Variants in ZCCHC2 observed in about 807,000 individuals in gnomAD.
ZCCHC2 encodes zinc finger CCHC-type containing 2, also known as zinc finger CCHC domain-containing protein 2.
Under a neutral mutation model 103.6 loss-of-function variants are expected in ZCCHC2, and 39 were observed. The ratio of observed to expected loss-of-function variants is 0.38; its 90% CI spans 0.29 to 0.49. ZCCHC2 has a LOEUF of 0.49. ZCCHC2 is among the 20% of genes least tolerant of loss of function. The pLI, the probability that ZCCHC2 is intolerant of heterozygous loss-of-function variation, is 0.96. For synonymous variants in ZCCHC2, 687 were observed against 608.9 expected, an observed-to-expected ratio of 1.13 and a Z score of -1.89; for missense variants, 1,483 against 1,491.0, an observed-to-expected ratio of 0.99 and a Z score of 0.09.
At chr18:62,544,947 A>G (rs1210151907) in intron 4 of ZCCHC2, 74 bp downstream of exon 4, 2 of 1,217,666 alleles carry the variant, frequency 1.6e-6, no homozygotes, top group African/African-American at 3.2e-5. Context: ...CGTCAAAAAA[A>G]CACCAGGAAA....
chr18:62,532,694 G>A (rs192175727), intron 1 of ZCCHC2, among the ~76,000 whole-genome samples: 5 of 152,260 alleles, frequency 3.3e-5, no homozygotes, highest in South Asian at 4.1e-4. Flanking sequence ...CACATATATC[G>A]TTGTAATTTT....
chr18:62,524,975 T>A (rs1164051428), intron 1 of ZCCHC2: 1 of 152,482 alleles, frequency 6.6e-6, no homozygotes, highest in Non-Finnish European at 1.5e-5. Flanking sequence ...CTCTGAGGGC[T>A]TGTGTTCCCA....
At chr18:62,556,145 G>A (rs1331058257) in intron 5 of ZCCHC2, 58 bp from the exon 6 acceptor site, 3 of 1,383,922 alleles carry the variant, frequency 2.2e-6, no homozygotes, top group East Asian at 5.0e-5. Flanking sequence ...TTGAAACTGA[G>A]CTTCTTGTGG....
At chr18:62,524,460 C>T (rs1346305805) in intron 1 of ZCCHC2, 97 bp downstream of exon 1, 1 of 1,398,408 alleles carries the variant, frequency 7.2e-7, no homozygotes, top group Non-Finnish European at 9.2e-7. Context: ...GAGCCCCAGC[C>T]CGGCGCAGGT....
chr18:62,545,745 T>G (rs1952095970), intron 4 of ZCCHC2, among the ~76,000 whole-genome samples: 1 of 152,232 alleles, frequency 6.6e-6, no homozygotes, highest in Non-Finnish European at 1.5e-5. Context: ...ACTGACTTAC[T>G]AAGTTTTGGT....
chr18:62,586,078 C>T (rs1041360639), exon 15 of ZCCHC2: 5 of 149,392 alleles, frequency 3.3e-5, no homozygotes, highest in Non-Finnish European at 7.4e-5. Flanking sequence ...ACTCATGGGC[C>T]ACCAGCCCTT....
At chr18:62,583,094 A>C (rs770966408), downstream of ZCCHC2, among the ~76,000 whole-genome samples, 1 of 151,532 alleles carries the variant, frequency 6.6e-6, no homozygotes, top group Non-Finnish European at 1.5e-5. Context: ...ACAGAGTGAG[A>C]CCGTGTCTTT....
intron 4 of ZCCHC2, among the ~76,000 whole-genome samples, chr18:62,546,691 C>T (rs534378925): frequency 6.6e-5 from 10 of 152,314 alleles, no homozygotes; most frequent in African/African-American, 1.2e-4. Flanking sequence ...TAGTGCCTGG[C>T]GCATGGAGTC....
Position 62,536,319 on chromosome 18 carries a change from T to G in ZCCHC2, c.940-3362T>G, listed in dbSNP as rs527385319. ...TGCACTCCTACTAAAGTTCTTTGTA[T>G]GCTTGTGCGTATTTTTGCAGGTTTA... is the stretch of plus-strand genomic sequence containing the variant. On this transcript the variant is annotated intron_variant, in intron 1 of 13. Transcript: ENST00000269499. Among the ~76,000 whole-genome samples the G allele has an allele frequency of 5.3e-5, 8 of 152,360 alleles. No individual in the cohort carries two copies. In the South Asian group the frequency reaches 1.7e-3, roughly 32 times the overall value.
chr18:62,564,505 T>A lies in ZCCHC2; in HGVS notation c.1687-66T>A, dbSNP rs1916260298. 5.3e-6 allele frequency: 6 copies of A among 1,136,438 alleles called. No individual in the cohort carries two copies. The East Asian group carries it at 1.1e-4, about 20-fold the overall frequency. The allele number at this position is 1,136,438 out of a possible 1,614,324, so 70.4% of individuals were successfully genotyped here. ...GGGAATCTATCATTTTAATGTTTATTATGAGAGTAAAAACGTCAAAATGGT... is the reference window on the plus strand; with the variant it reads ...GGGAATCTATCATTTTAATGTTTATAATGAGAGTAAAAACGTCAAAATGGT... On this transcript the variant is annotated intron_variant, in intron 9 of 13. Coordinates refer to ENST00000269499, the MANE Select transcript of ZCCHC2 (RefSeq NM_017742.6).
chr18:62,582,729 C>T (rs1917069335), downstream of ZCCHC2, among the ~76,000 whole-genome samples: 1 of 152,078 alleles, frequency 6.6e-6, no homozygotes. Flanking sequence ...AAAGGTCCAA[C>T]ATAATGAAAT....
intron 1 of ZCCHC2, among the ~76,000 whole-genome samples, chr18:62,527,646 C>T (rs1343598212): frequency 6.6e-6 from 1 of 152,050 alleles, no homozygotes; most frequent in Non-Finnish European, 1.5e-5. Context: ...GTAACTTGTA[C>T]AAAATTCAGC....
At chr18:62,534,429 A>G (rs1914833899) in intron 1 of ZCCHC2, among the ~76,000 whole-genome samples, 1 of 152,178 alleles carries the variant, frequency 6.6e-6, no homozygotes, top group South Asian at 2.1e-4. Flanking sequence ...GAAAAGTCAT[A>G]TATTAACCTA....
At position 62,574,416 on chromosome 18, in the gene ZCCHC2, A is replaced by T; in HGVS notation, c.2335A>T (p.Thr779Ser). The T allele has an allele frequency of 6.2e-7, 1 of 1,614,010 alleles. No individual in the cohort carries two copies. Among genetic ancestry groups the T allele is most frequent in the African/African-American group, 1.3e-5 (1 of 75,040 alleles). The change falls in exon 13 of 14, where the codon ACT becomes TCT. Residue 779 changes from threonine (T) to serine (S), a missense_variant. Thr to Ser is a moderately conservative substitution (Grantham distance 58, BLOSUM62 1). Transcript: ENST00000269499. ...TGGAATACTAGGGCCAACAGCTTGC[A>T]CTGGAGAATCGGAAAAGCACCTTGA... ...PVGILGPTACTGESEKHLELL... is the reference protein window; with the variant it reads ...PVGILGPTACSGESEKHLELL...
chr18:62,560,582 T>G lies in ZCCHC2; in HGVS notation c.1493-5T>G. On this transcript the variant is annotated splice_polypyrimidine_tract_variant and splice_region_variant and intron_variant, in intron 7 of 13. Transcript: ENST00000269499. ...TGTAATAAGTTACTTTTTCCTCTCT[T>G]CTAGATGTGTTGCAGCATGCCATAA... 1 of 1,613,062 alleles carries G rather than the reference T, an allele frequency of 6.2e-7. No individual in the cohort carries two copies. Among genetic ancestry groups the G allele is most frequent in the Non-Finnish European group, 8.5e-7 (1 of 1,179,364 alleles).
At position 62,544,511 on chromosome 18, in the gene ZCCHC2, A is replaced by G. The variant is rs182670597; in HGVS notation, c.1129-291A>G. On this transcript the variant is annotated intron_variant, in intron 3 of 13. Coordinates refer to ENST00000269499, the MANE Select transcript of ZCCHC2 (RefSeq NM_017742.6). Reference sequence around the variant, plus strand: ...TTTAGAGTTCTATAAGTTCATAGAAAATAACATATATCCCCTTTCTGAAAA... The same window carrying G: ...TTTAGAGTTCTATAAGTTCATAGAAGATAACATATATCCCCTTTCTGAAAA... Among the ~76,000 whole-genome samples, 603 of 152,332 alleles carry G rather than the reference A, an allele frequency of 4.0e-3. 4 individuals carry two copies. Among genetic ancestry groups the G allele is most frequent in the African/African-American group, 0.014 (575 of 41,572 alleles).
intron 12 of ZCCHC2, among the ~76,000 whole-genome samples, chr18:62,572,978 ATATAAAT>A (rs1401113015): frequency 6.6e-6 from 1 of 152,202 alleles, no homozygotes; most frequent in African/African-American, 2.4e-5. Context: ...GTTTCTTCTA[ATATAAAT>A]TAAAATCATT....
rs1361773763 is a variant in ZCCHC2 at position 62,523,338 on chromosome 18, C to T, written c.-87C>T. On this transcript the variant is annotated 5_prime_UTR_variant, in exon 1 of 14. It adds an upstream start codon to the 5' untranslated region. Coordinates refer to ENST00000269499, the MANE Select transcript of ZCCHC2 (RefSeq NM_017742.6). The stretch of plus-strand genomic sequence containing the variant: ...CGGCATGGAGGGGCCCCGCTCCTGA[C>T]GGCCGCGCCGCCGCCTCGGCCCGTG... The T allele has an allele frequency of 8.1e-6, 8 of 987,034 alleles. No individual in the cohort carries two copies. The highest frequency in any genetic ancestry group is 5.3e-5 in the African/African-American group (3 of 56,742). 61.1% of individuals were successfully genotyped at this position (987,034 alleles called of 1,614,324 possible).
Position 62,523,222 on chromosome 18 carries a change from C to A in ZCCHC2, c.-203C>A. ...AGCCGTCGCGGGCACGCCCCGCCCCCAGCCCGGGAAGACGACGCCAGCGAC... is the reference window on the plus strand; with the variant it reads ...AGCCGTCGCGGGCACGCCCCGCCCCAAGCCCGGGAAGACGACGCCAGCGAC... On this transcript the variant is annotated 5_prime_UTR_variant, in exon 1 of 14. Transcript: ENST00000269499. The A allele has an allele frequency of 4.0e-6, 1 of 250,792 alleles. No homozygotes were observed. The highest frequency in any genetic ancestry group is 6.3e-6 in the Non-Finnish European group (1 of 158,412). 15.5% of individuals were successfully genotyped at this position (250,792 alleles called of 1,614,324 possible). A position where few individuals can be genotyped will look rare whatever the true frequency, so the allele number is the denominator to read the frequency against.
Sources: allele counts gnomAD v4.1 joint callset (sites outside exome capture counted in the v4.1 genomes callset), GRCh38; gene constraint gnomAD v4.1.1; transcripts MANE v1.5; gene names NCBI Gene and HGNC (gene_info 2026-07-23, HGNC 2026-07-21).